The following ACTN2 variants were observed in gnomAD, a reference collection of about 807,000 sequenced individuals.
ACTN2 encodes alpha-actinin-2.
A neutral mutation model predicts 113.8 loss-of-function variants in ACTN2; 39 were observed. The observed-to-expected ratio is 0.34, with a 90% confidence interval of 0.27 to 0.45. The LOEUF (loss-of-function observed/expected upper bound fraction) is 0.45. Ranked by LOEUF, ACTN2 falls within the 20% of genes least tolerant of loss-of-function variation. The pLI, the probability that ACTN2 is intolerant of heterozygous loss-of-function variation, is 1.00. For synonymous variants in ACTN2, 429 were observed against 444.1 expected, an observed-to-expected ratio of 0.97 and a Z score of 0.43; for missense variants, 992 against 1,177.9, an observed-to-expected ratio of 0.84 and a Z score of 2.31.
At chr1:236,741,974 G>C (rs553932366) in intron 10 of ACTN2, among the ~76,000 whole-genome samples, 1 of 152,078 alleles carries the variant, frequency 6.6e-6, no homozygotes, top group African/African-American at 2.4e-5. Context: ...CCTGCCTGCC[G>C]TCCTTCCCGC....
At position 236,737,436 on chromosome 1, in the gene ACTN2, C is replaced by T. The variant is rs150832018; in HGVS notation, c.876+222C>T. ...ACATAATCCCCAGTGGTCTTTCCAACGATCCCAAAGCAGAAAGGTATAGTT... is the reference window on the plus strand; with the variant it reads ...ACATAATCCCCAGTGGTCTTTCCAATGATCCCAAAGCAGAAAGGTATAGTT... On this transcript the variant is annotated intron_variant, in intron 9 of 20. Transcript: ENST00000366578. 4.4e-3 allele frequency among the ~76,000 whole-genome samples: 665 copies of T among 150,706 alleles called. 10 individuals carry two copies. Among genetic ancestry groups the T allele is most frequent in the East Asian group, 3.9e-3 (20 of 5,144 alleles).
intron 1 of ACTN2, among the ~76,000 whole-genome samples, chr1:236,691,501 C>T (rs1483446656): frequency 6.6e-6 from 1 of 151,386 alleles, no homozygotes; most frequent in Non-Finnish European, 1.5e-5. Flanking sequence ...AAAATTTAGC[C>T]AGGTGTGGTG....
chr1:236,733,405 T>TTTG (rs543956707), intron 7 of ACTN2, among the ~76,000 whole-genome samples: 31 of 152,342 alleles, frequency 2.0e-4, no homozygotes, highest in African/African-American at 7.2e-4. Context: ...CCTTAGTCTC[T>TTTG]GAGTCCTGAT....
At chr1:236,755,335 C>T (rs565293953) in intron 17 of ACTN2, 137 bp downstream of exon 17, 1 of 996,958 alleles carries the variant, frequency 1.0e-6, no homozygotes, top group South Asian at 1.4e-5. Flanking sequence ...ATCTTTAAGC[C>T]TTTCCAGTCA....
In ACTN2 at chr1:236,762,734, A is replaced by G. The variant is rs1659749426; in HGVS notation, c.*115A>G. On this transcript the variant is annotated 3_prime_UTR_variant, in exon 21 of 21. Transcript: ENST00000366578. Reference sequence around the variant, plus strand: ...AAGTTGAGAGAGAGAGAGGGGAAAAAAAAAAGCCTTTCGTAGTTCAGTAAT... The same window carrying G: ...AAGTTGAGAGAGAGAGAGGGGAAAAGAAAAAGCCTTTCGTAGTTCAGTAAT... 1 of 1,349,310 alleles carries G rather than the reference A, an allele frequency of 7.4e-7. No individual in the cohort carries two copies. The highest frequency in any genetic ancestry group is 1.0e-6 in the Non-Finnish European group (1 of 975,114). 83.6% of individuals were successfully genotyped at this position (1,349,310 alleles called of 1,614,324 possible).
chr1:236,698,860 C>T (rs1212033111), intron 1 of ACTN2, among the ~76,000 whole-genome samples: 1 of 152,116 alleles, frequency 6.6e-6, no homozygotes, highest in Non-Finnish European at 1.5e-5. Context: ...TATGATTTTA[C>T]TGGATCTTCA....
In ACTN2 at chr1:236,764,143, C is replaced by G. The variant is rs1287131972; in HGVS notation, c.*1524C>G. The G allele has an allele frequency of 2.0e-5, 3 of 152,154 alleles. No individual in the cohort carries two copies. Among genetic ancestry groups the G allele is most frequent in the African/African-American group, 7.2e-5 (3 of 41,422 alleles). The allele number at this position is 152,154 out of a possible 1,614,324, so 9.4% of individuals were successfully genotyped here. On this transcript the variant is annotated 3_prime_UTR_variant, in exon 21 of 21. Coordinates refer to ENST00000366578, the MANE Select transcript of ACTN2 (RefSeq NM_001103.4). The stretch of plus-strand genomic sequence containing the variant: ...CTGTCTGACAGCTTGACTCTTCTTC[C>G]TACACTGGGCCATTTAGAACCTTCA...
chr1:236,743,767 A>C (rs772893785), intron 11 of ACTN2, among the ~76,000 whole-genome samples: 2 of 152,178 alleles, frequency 1.3e-5, no homozygotes, highest in Non-Finnish European at 2.9e-5. Context: ...AGCTGGAGCC[A>C]GGTGGGTTGG....
Position 236,746,346 on chromosome 1 carries a change from G to A in ACTN2, c.1407-1321G>A, listed in dbSNP as rs1659237995. On this transcript the variant is annotated intron_variant, in intron 12 of 20. Coordinates refer to ENST00000366578, the MANE Select transcript of ACTN2 (RefSeq NM_001103.4). ...TCTTGATTTATATCTGAATGAAAAA[G>A]GTGATTAAGTTTTGTACAGGATTCA... 2.6e-5 allele frequency among the ~76,000 whole-genome samples: 4 copies of A among 152,172 alleles called. No individual in the cohort carries two copies. In the South Asian group the frequency reaches 8.3e-4, roughly 32 times the overall value.
chr1:236,704,542 G>T (rs760774392), intron 1 of ACTN2, among the ~76,000 whole-genome samples: 1 of 152,162 alleles, frequency 6.6e-6, no homozygotes, highest in Admixed American at 6.5e-5. Flanking sequence ...TAAAATTGGG[G>T]TTCTCATGCC....
In ACTN2 at chr1:236,731,824, A is replaced by C. The variant is rs888811699; in HGVS notation, c.697+510A>C. On this transcript the variant is annotated intron_variant, in intron 7 of 20. Transcript: ENST00000366578. Reference sequence around the variant, plus strand: ...TCACATATTGTTTTTAATTCATCTAAATTTAATTTATTTAGAGCTGAAAGA... The same window carrying C: ...TCACATATTGTTTTTAATTCATCTACATTTAATTTATTTAGAGCTGAAAGA... Among the ~76,000 whole-genome samples the C allele has an allele frequency of 4.6e-5, 7 of 152,234 alleles. No individual in the cohort carries two copies. The East Asian group carries it at 7.7e-4, about 17-fold the overall frequency.
chr1:236,753,873 ATT>A, intron 15 of ACTN2, 72 bp from the exon 16 acceptor site: 6 of 1,471,272 alleles, frequency 4.1e-6, no homozygotes, highest in African/African-American at 1.6e-5. Context: ...CCCTTGGACT[ATT>A]CCCGCATTCT....
intron 6 of ACTN2, among the ~76,000 whole-genome samples, chr1:236,728,328 A>G (rs185693404): frequency 1.3e-5 from 2 of 152,182 alleles, no homozygotes; most frequent in African/African-American, 2.4e-5. Context: ...TATTTTTAGT[A>G]GAGACGGGGT....
At chr1:236,689,317 A>C (rs879428775) in intron 1 of ACTN2, among the ~76,000 whole-genome samples, 6,842 of 44,418 alleles carry the variant, frequency 0.15, 242 homozygotes, top group Middle Eastern at 0.39. Context: ...ATATATATAT[A>C]TATATATATA....
At chr1:236,687,593 A>G (rs894091362) in intron 1 of ACTN2, among the ~76,000 whole-genome samples, 7 of 152,260 alleles carry the variant, frequency 4.6e-5, no homozygotes, top group African/African-American at 1.4e-4. Flanking sequence ...CAACCTTAAG[A>G]TAACGGGGTT....
chr1:236,719,075 CG>C, intron 3 of ACTN2, 62 bp downstream of exon 3: 1 of 1,607,198 alleles, frequency 6.2e-7, no homozygotes, highest in Non-Finnish European at 8.5e-7. Context: ...GTGTGGGCTG[CG>C]ACTTGAATTC....
chr1:236,734,298 G>A lies in ACTN2; in HGVS notation c.698-1337G>A. 7.2e-6 allele frequency: 4 copies of A among 558,942 alleles called. No individual in the cohort carries two copies. In the South Asian group the frequency reaches 1.1e-4, roughly 15 times the overall value. The allele number at this position is 558,942 out of a possible 1,614,324, so 34.6% of individuals were successfully genotyped here. A position where few individuals can be genotyped will look rare whatever the true frequency, so the allele number is the denominator to read the frequency against. ...TGCAGGTGTGACTTCTTTGATTTGA[G>A]CCAAAATGTTAGGAACATAAGTGTA... On this transcript the variant is annotated intron_variant, in intron 7 of 20. Transcript: ENST00000366578.
Position 236,754,035 on chromosome 1 carries a change from C to T in ACTN2, c.1928C>T (p.Ala643Val). The change falls in exon 16 of 21, where the codon GCT becomes GTT. Residue 643 changes from alanine (A) to valine (V), a missense_variant. Around this residue, in one of 3 missense-constraint regions of ACTN2, gnomAD observed 736 missense variants for 815.4 expected, o/e 0.90. Transcript: ENST00000366578. This position sits in a 1 kb window ranked among gnomAD's most constrained non-coding sequence, Gnocchi z 4.9. ...AACGAGCGTCTGAGGCGCCAGTTTG[C>T]TGCCCAAGCCAATGCCATTGGGCCC... Reference protein sequence around the residue: ...HANERLRRQFAAQANAIGPWI... With the variant: ...HANERLRRQFVAQANAIGPWI... 1.2e-6 allele frequency: 2 copies of T among 1,614,106 alleles called. No homozygotes were observed. Among genetic ancestry groups the T allele is most frequent in the Non-Finnish European group, 1.7e-6 (2 of 1,180,042 alleles).
intron 1 of ACTN2, among the ~76,000 whole-genome samples, chr1:236,687,969 C>T (rs1437431964): frequency 6.6e-6 from 1 of 152,166 alleles, no homozygotes; most frequent in Non-Finnish European, 1.5e-5. Context: ...TTCAGTCTCT[C>T]CCCGAGTTTC....
Sources: allele counts gnomAD v4.1 joint callset (sites outside exome capture counted in the v4.1 genomes callset), GRCh38; gene constraint gnomAD v4.1.1; regional missense constraint gnomAD v4.1.1; non-coding constraint Gnocchi (gnomAD v3.1); transcripts MANE v1.5; gene names NCBI Gene and HGNC (gene_info 2026-07-23, HGNC 2026-07-21).